The following LRRTM4 variants were observed in gnomAD, a reference collection of about 807,000 sequenced individuals.
LRRTM4 encodes leucine rich repeat transmembrane neuronal 4.
Under a neutral mutation model 47.6 loss-of-function variants are expected in LRRTM4, and 25 were observed. The ratio of observed to expected loss-of-function variants is 0.53; its 90% CI spans 0.38 to 0.73. LRRTM4 has a LOEUF of 0.73. Among genes scored for constraint, LRRTM4 ranks in the 30% least tolerant of loss-of-function variants. The pLI is 0.00. For missense variants in LRRTM4, 638 were observed against 713.4 expected, an observed-to-expected ratio of 0.89 and a Z score of 1.20; for synonymous variants, 311 against 269.5, an observed-to-expected ratio of 1.15 and a Z score of -1.51.
intron 3 of LRRTM4, among the ~76,000 whole-genome samples, chr2:77,332,517 C>T (rs546807392): frequency 3.5e-4 from 54 of 152,244 alleles, no homozygotes; most frequent in South Asian, 6.2e-4. Context: ...GATTTCTTCC[C>T]TTAGCCAAAT....
At chr2:77,384,260 A>G (rs1673175459) in intron 3 of LRRTM4, among the ~76,000 whole-genome samples, 2 of 151,916 alleles carry the variant, frequency 1.3e-5, no homozygotes, top group Non-Finnish European at 2.9e-5. Flanking sequence ...CACAACATAT[A>G]GTTTGATAGT....
At chr2:77,488,238 A>T (rs544481413) in intron 3 of LRRTM4, among the ~76,000 whole-genome samples, 8 of 152,128 alleles carry the variant, frequency 5.3e-5, no homozygotes, top group African/African-American at 1.7e-4. Flanking sequence ...CGGTGCCAGC[A>T]CTGGAAGCCA....
chr2:76,965,504 C>T (rs548030651), intron 3 of LRRTM4, among the ~76,000 whole-genome samples: 3 of 151,388 alleles, frequency 2.0e-5, no homozygotes, highest in African/African-American at 7.2e-5. Flanking sequence ...AATTTCTAAA[C>T]ATTTAACTTT....
At chr2:77,356,089 G>T (rs961187120) in intron 3 of LRRTM4, among the ~76,000 whole-genome samples, 2 of 152,152 alleles carry the variant, frequency 1.3e-5, no homozygotes, top group Non-Finnish European at 2.9e-5. Flanking sequence ...GCGAGACCCT[G>T]TCTCAAAACA....
chr2:76,749,011 C>A, intron 3 of LRRTM4, 95 bp from the exon 4 acceptor site: 1 of 928,636 alleles, frequency 1.1e-6, no homozygotes, highest in Non-Finnish European at 1.7e-6. Context: ...CTCTTTCATG[C>A]TGTTTCAAGT....
chr2:77,090,201 A>G (rs1285321241), intron 3 of LRRTM4, among the ~76,000 whole-genome samples: 2 of 152,100 alleles, frequency 1.3e-5, no homozygotes, highest in Non-Finnish European at 2.9e-5. Flanking sequence ...CCTGCCCAGC[A>G]ATTTACTCTT....
At chr2:77,422,899 A>G (rs770574754) in intron 3 of LRRTM4, among the ~76,000 whole-genome samples, 1 of 152,126 alleles carries the variant, frequency 6.6e-6, no homozygotes, top group Non-Finnish European at 1.5e-5. Flanking sequence ...AAAAGTTTTT[A>G]AAGTTTACAA....
intron 3 of LRRTM4, among the ~76,000 whole-genome samples, chr2:76,873,846 C>T (rs578025900): frequency 2.6e-5 from 4 of 151,682 alleles, no homozygotes; most frequent in East Asian, 3.9e-4. Context: ...AATTCATGAA[C>T]GATATAGGGA....
intron 3 of LRRTM4, among the ~76,000 whole-genome samples, chr2:76,836,984 G>A (rs1195212178): frequency 6.6e-6 from 1 of 152,054 alleles, no homozygotes; most frequent in East Asian, 1.9e-4. Context: ...CATGTTGTAA[G>A]TTACTCAAAT....
At chr2:77,344,620 A>C (rs1671495228) in intron 3 of LRRTM4, among the ~76,000 whole-genome samples, 1 of 151,952 alleles carries the variant, frequency 6.6e-6, no homozygotes, top group African/African-American at 2.4e-5. Flanking sequence ...TGATATGGAA[A>C]AAAAAGCTAA....
At chr2:77,074,272 T>G (rs1164446761) in intron 3 of LRRTM4, among the ~76,000 whole-genome samples, 1 of 152,140 alleles carries the variant, frequency 6.6e-6, no homozygotes, top group South Asian at 2.1e-4. Flanking sequence ...GAGTGTGAGG[T>G]TTCATTTGTA....
intron 3 of LRRTM4, among the ~76,000 whole-genome samples, chr2:77,309,523 A>C (rs920289435): frequency 6.6e-6 from 1 of 152,130 alleles, no homozygotes. Flanking sequence ...GCTCACCAAG[A>C]CCCTTTGGCT....
At chr2:77,401,450 G>T (rs1034959253) in intron 3 of LRRTM4, among the ~76,000 whole-genome samples, 2 of 151,628 alleles carry the variant, frequency 1.3e-5, no homozygotes, top group East Asian at 3.9e-4. Context: ...AAATCACTAT[G>T]TAACATTACG....
chr2:76,979,573 TATAG>T (rs1412415654), intron 3 of LRRTM4, among the ~76,000 whole-genome samples: 2 of 103,802 alleles, frequency 1.9e-5, no homozygotes, highest in Admixed American at 9.0e-5. Flanking sequence ...TATATATATA[TATAG>T]AGAGAGGAAG....
At chr2:77,436,292 A>G (rs916824895) in intron 3 of LRRTM4, among the ~76,000 whole-genome samples, 8 of 152,154 alleles carry the variant, frequency 5.3e-5, no homozygotes, top group Admixed American at 6.5e-5. Flanking sequence ...AACATGACAT[A>G]TACCTTGAAC....
intron 3 of LRRTM4, among the ~76,000 whole-genome samples, chr2:77,045,995 TTTTAA>T (rs756608771): frequency 2.0e-5 from 3 of 151,998 alleles, no homozygotes; most frequent in Non-Finnish European, 2.9e-5. Context: ...TTCCTTTTTC[TTTTAA>T]TTATATTAAC....
chr2:77,052,250 C>A (rs1032442886), intron 3 of LRRTM4, among the ~76,000 whole-genome samples: 1 of 147,384 alleles, frequency 6.8e-6, no homozygotes, highest in Non-Finnish European at 1.5e-5. Flanking sequence ...CTCACCACAA[C>A]CTCCGGCTCC....
At position 76,779,814 on chromosome 2, in the gene LRRTM4, C is replaced by T. The variant is rs181017928; in HGVS notation, c.1552-30898G>A. 2.9e-3 allele frequency among the ~76,000 whole-genome samples: 445 copies of T among 152,178 alleles called. 2 individuals carry two copies. Among genetic ancestry groups the T allele is most frequent in the African/African-American group, 0.01 (419 of 41,494 alleles). ...TTTGATCTTATCATTATGATGTTAGCTGGTTATTTTGCTCGTTAGTTGATG... is the reference window on the plus strand; with the variant it reads ...TTTGATCTTATCATTATGATGTTAGTTGGTTATTTTGCTCGTTAGTTGATG... On this transcript the variant is annotated intron_variant, in intron 3 of 3. Transcript: ENST00000409884.
chr2:77,282,050 T>C (rs1359089390), intron 3 of LRRTM4, among the ~76,000 whole-genome samples: 1 of 151,996 alleles, frequency 6.6e-6, no homozygotes, highest in Non-Finnish European at 1.5e-5. Context: ...TTAACAATAC[T>C]GATTCTTCCA....
Sources: gnomAD v4.1 joint callset for allele counts (sites outside exome capture counted in the v4.1 genomes callset) on GRCh38, gnomAD v4.1.1 for gene constraint, MANE v1.5 for transcripts, NCBI Gene and HGNC (gene_info 2026-07-23, HGNC 2026-07-21) for gene names.